DNAJC1: variants seen among roughly 807,000 people sequenced by gnomAD.
DNAJC1 encodes dnaJ homolog subfamily C member 1.
In DNAJC1, 58 loss-of-function variants were observed where a neutral mutation model predicts 76.6. The ratio of observed to expected loss-of-function variants is 0.76; its 90% CI spans 0.61 to 0.94. The LOEUF (loss-of-function observed/expected upper bound fraction) is 0.94. Among genes scored for constraint, DNAJC1 ranks in the 40% least tolerant of loss-of-function variants. The probability of loss-of-function intolerance (pLI) is 0.00; values close to 1 mark genes in which losing one functional copy is unlikely to be tolerated. For synonymous variants in DNAJC1, 258 were observed against 267.9 expected (o/e 0.96, Z 0.36); for missense variants, 689 against 677.3 (o/e 1.02, Z -0.19).
chr10:21,878,751 T>C (rs1457331184), intron 8 of DNAJC1, among the ~76,000 whole-genome samples: 1 of 152,120 alleles, frequency 6.6e-6, no homozygotes, highest in Non-Finnish European at 1.5e-5. Context: ...CCCATATTTT[T>C]CAAGGATCAA....
At chr10:21,843,532 T>A (rs1835605794) in intron 8 of DNAJC1, among the ~76,000 whole-genome samples, 1 of 150,452 alleles carries the variant, frequency 6.6e-6, no homozygotes, top group Non-Finnish European at 1.5e-5. Context: ...TGGCTGGGAG[T>A]ACAGGCACGT....
At chr10:21,825,376 T>C (rs1835231173) in intron 8 of DNAJC1, among the ~76,000 whole-genome samples, 1 of 152,246 alleles carries the variant, frequency 6.6e-6, no homozygotes, top group African/African-American at 2.4e-5. Context: ...CAGTCTTTTT[T>C]TTAACAAATG....
chr10:21,860,178 A>C (rs577109484), intron 8 of DNAJC1, among the ~76,000 whole-genome samples: 365 of 152,174 alleles, frequency 2.4e-3, no homozygotes, highest in Non-Finnish European at 4.2e-3. Flanking sequence ...AAAAAAAAAA[A>C]AAAACCTTAA....
intron 6 of DNAJC1, among the ~76,000 whole-genome samples, chr10:21,906,746 T>C (rs1276725302): frequency 3.9e-5 from 6 of 152,128 alleles, no homozygotes; most frequent in Non-Finnish European, 7.4e-5. Flanking sequence ...TGTGGGTCCA[T>C]TTTCTCATTC....
At chr10:21,877,498 G>T (rs989939118) in intron 8 of DNAJC1, among the ~76,000 whole-genome samples, 2 of 151,808 alleles carry the variant, frequency 1.3e-5, no homozygotes, top group Admixed American at 1.3e-4. Context: ...AAACAAAAAG[G>T]CAACACAATT....
intron 9 of DNAJC1, among the ~76,000 whole-genome samples, chr10:21,800,736 T>G (rs1834803902): frequency 6.6e-6 from 1 of 152,182 alleles, no homozygotes; most frequent in Admixed American, 6.6e-5. Flanking sequence ...GTCTCTAGAA[T>G]GATATACAAC....
At chr10:21,840,186 T>G (rs182047902) in intron 8 of DNAJC1, among the ~76,000 whole-genome samples, 4,466 of 152,244 alleles carry the variant, frequency 0.029, 107 homozygotes, top group Middle Eastern at 0.065. Context: ...CTTTGAAAAC[T>G]GGCACAAGAC....
chr10:21,783,456 C>T (rs911395958), intron 9 of DNAJC1, among the ~76,000 whole-genome samples: 1 of 152,144 alleles, frequency 6.6e-6, no homozygotes, highest in East Asian at 1.9e-4. Flanking sequence ...GAATCAATAT[C>T]GTGACAATGG....
chr10:21,932,615 T>C (rs1012990970), intron 1 of DNAJC1, among the ~76,000 whole-genome samples: 3 of 152,226 alleles, frequency 2.0e-5, no homozygotes, highest in Non-Finnish European at 4.4e-5. Flanking sequence ...GTTAGGTTCC[T>C]GGTGCCAGAG....
intron 1 of DNAJC1, among the ~76,000 whole-genome samples, chr10:21,941,521 A>C (rs2131797099): frequency 6.6e-6 from 1 of 152,218 alleles, no homozygotes; most frequent in East Asian, 1.9e-4. Flanking sequence ...AAAATGTCAT[A>C]ATGTCTGATA....
At chr10:21,841,387 A>C (rs1016926937) in intron 8 of DNAJC1, among the ~76,000 whole-genome samples, 3 of 152,180 alleles carry the variant, frequency 2.0e-5, no homozygotes, top group Non-Finnish European at 4.4e-5. Context: ...TCTACAATGA[A>C]CTCAAACAAA....
Position 21,834,500 on chromosome 10 carries a change from C to T in DNAJC1, c.979-28401G>A, listed in dbSNP as rs181651066. Among the ~76,000 whole-genome samples the T allele has an allele frequency of 2.0e-3, 310 of 152,294 alleles. 3 individuals are homozygous for T. Among genetic ancestry groups the T allele is most frequent in the Middle Eastern group, 0.01 (3 of 294 alleles). ...AGGACAGTAGGTGCAGCGCACCGTACGCGAGCCGAAGCAGGGCGAGGCATC... is the reference window on the plus strand; with the variant it reads ...AGGACAGTAGGTGCAGCGCACCGTATGCGAGCCGAAGCAGGGCGAGGCATC... On this transcript the variant is annotated intron_variant, in intron 8 of 11. Coordinates refer to ENST00000376980, the MANE Select transcript of DNAJC1 (RefSeq NM_022365.4).
intron 7 of DNAJC1, among the ~76,000 whole-genome samples, chr10:21,890,440 A>G (rs1836443920): frequency 6.7e-6 from 1 of 150,298 alleles, no homozygotes; most frequent in African/African-American, 2.5e-5. Flanking sequence ...AAAAAAAAAA[A>G]GAAAGGAAGC....
At chr10:21,927,486 T>G (rs1019468119) in intron 3 of DNAJC1, among the ~76,000 whole-genome samples, 11 of 152,192 alleles carry the variant, frequency 7.2e-5, no homozygotes, top group Admixed American at 1.3e-4. Context: ...CAGGTGTTGT[T>G]TTGTTTTGTT....
rs545822202 is a variant in DNAJC1 at position 21,848,243 on chromosome 10, C to T, written c.978+34039G>A. 2.6e-5 allele frequency among the ~76,000 whole-genome samples: 4 copies of T among 152,204 alleles called. No homozygotes were observed. In the South Asian group the frequency reaches 8.3e-4, roughly 32 times the overall value. On this transcript the variant is annotated intron_variant, in intron 8 of 11. Transcript: ENST00000376980. The stretch of plus-strand genomic sequence containing the variant: ...GCATTTATTTTCATATACTTGTTGG[C>T]CATTTCTATGCCTTCTTTCGAAAAA...
chr10:21,816,545 CTTTTT>C (rs770275203), intron 8 of DNAJC1, among the ~76,000 whole-genome samples: 1 of 134,600 alleles, frequency 7.4e-6, no homozygotes, highest in Non-Finnish European at 1.6e-5. Flanking sequence ...GTCTCTCTCT[CTTTTT>C]TTTTTTTTTT....
At chr10:21,941,926 T>C (rs1564833966) in intron 1 of DNAJC1, among the ~76,000 whole-genome samples, 1 of 152,146 alleles carries the variant, frequency 6.6e-6, no homozygotes, top group African/African-American at 2.4e-5. Context: ...AGGTAACCAC[T>C]ATGTAACAGA....
intron 8 of DNAJC1, among the ~76,000 whole-genome samples, chr10:21,848,974 A>C (rs562590928): frequency 6.6e-6 from 1 of 152,338 alleles, no homozygotes; most frequent in African/African-American, 2.4e-5. Context: ...CAGTGAAAGC[A>C]GTGTTTGAAG....
At chr10:21,870,457 T>C (rs1414649349) in intron 8 of DNAJC1, among the ~76,000 whole-genome samples, 1 of 152,072 alleles carries the variant, frequency 6.6e-6, no homozygotes, top group East Asian at 1.9e-4. Context: ...GCTTGCAGCA[T>C]CATGAGTAAG....
Sources: gnomAD v4.1 joint callset for allele counts (sites outside exome capture counted in the v4.1 genomes callset) on GRCh38, gnomAD v4.1.1 for gene constraint, MANE v1.5 for transcripts, NCBI Gene and HGNC (gene_info 2026-07-23, HGNC 2026-07-21) for gene names.